The following GRIP1 variants were observed in gnomAD, a reference collection of about 807,000 sequenced individuals.
The protein encoded by GRIP1 is glutamate receptor interacting protein 1, also known as glutamate receptor-interacting protein 1.
GRIP1 carries 45 observed loss-of-function variants against 129.9 expected under a neutral mutation model. The ratio of observed to expected loss-of-function variants is 0.35; its 90% CI spans 0.27 to 0.44. GRIP1 has a LOEUF of 0.44. GRIP1 is among the 20% of genes least tolerant of loss of function. The pLI, the probability that GRIP1 is intolerant of heterozygous loss-of-function variation, is 1.00. For missense variants in GRIP1, 1,196 were observed against 1,396.8 expected, an observed-to-expected ratio of 0.86 and a Z score of 2.29; for synonymous variants, 530 against 520.8, an observed-to-expected ratio of 1.02 and a Z score of -0.24.
chr12:67,051,942 C>T (rs1372553518), intron 1 of GRIP1, among the ~76,000 whole-genome samples: 1 of 152,174 alleles, frequency 6.6e-6, no homozygotes, highest in Admixed American at 6.5e-5. Context: ...TTGCACAAAG[C>T]TATTCATCAA....
intron 19 of GRIP1, among the ~76,000 whole-genome samples, chr12:66,386,098 T>C (rs2056346070): frequency 1.3e-5 from 2 of 152,224 alleles, no homozygotes; most frequent in Admixed American, 1.3e-4. Flanking sequence ...AAAATAGGTC[T>C]TTATTTGCAC....
chr12:66,521,404 G>A (rs1359681735), intron 5 of GRIP1, among the ~76,000 whole-genome samples: 2 of 152,180 alleles, frequency 1.3e-5, no homozygotes, highest in Non-Finnish European at 2.9e-5. Context: ...TTATTAAGAT[G>A]TTTAATTTTA....
chr12:66,458,872 T>C (rs1014436717), intron 9 of GRIP1, among the ~76,000 whole-genome samples: 10 of 152,242 alleles, frequency 6.6e-5, no homozygotes, highest in Admixed American at 6.5e-4. Context: ...GTTGTTTGTA[T>C]GACTGCCTCC....
intron 14 of GRIP1, among the ~76,000 whole-genome samples, chr12:66,424,285 A>G (rs2057909537): frequency 6.6e-6 from 1 of 152,196 alleles, no homozygotes; most frequent in Non-Finnish European, 1.5e-5. Context: ...CAAGGAAACA[A>G]CTTACTATAT....
At chr12:66,787,522 T>C (rs1227439522) in intron 1 of GRIP1, among the ~76,000 whole-genome samples, 2 of 152,054 alleles carry the variant, frequency 1.3e-5, no homozygotes, top group African/African-American at 2.4e-5. Context: ...AAGGTGATGA[T>C]GGTATTAAGA....
At chr12:66,754,448 C>G (rs1429098614) in intron 1 of GRIP1, among the ~76,000 whole-genome samples, 2 of 152,146 alleles carry the variant, frequency 1.3e-5, no homozygotes, top group Non-Finnish European at 2.9e-5. Flanking sequence ...ACGTGTACAT[C>G]CACACACATG....
At position 66,723,244 on chromosome 12, in the gene GRIP1, C is replaced by T. The variant is rs138809355; in HGVS notation, c.-420+80809G>A. On this transcript the variant is annotated intron_variant, in intron 1 of 4. Transcript: ENST00000538373. ...TTTCTTTCTCTCTCTCTCTCTCTTC[C>T]TTCCTTCCTTCCTTCCTTCCTTCCT... is the stretch of plus-strand genomic sequence containing the variant. 2.9e-3 allele frequency among the ~76,000 whole-genome samples: 18 copies of T among 6,308 alleles called. 1 individual carries two copies. Among genetic ancestry groups the T allele is most frequent in the East Asian group, 5.1e-3 (1 of 196 alleles). The allele number at this position is 6,308 out of a possible 152,430, so 4.1% of individuals were successfully genotyped here.
At chr12:66,587,549 T>G (rs1446488445) in intron 2 of GRIP1, among the ~76,000 whole-genome samples, 1 of 152,240 alleles carries the variant, frequency 6.6e-6, no homozygotes, top group Non-Finnish European at 1.5e-5. Flanking sequence ...TGGATTCACA[T>G]CTATATTCCT....
intron 1 of GRIP1, among the ~76,000 whole-genome samples, chr12:66,855,392 C>T (rs1592905268): frequency 6.6e-6 from 1 of 151,898 alleles, no homozygotes; most frequent in Non-Finnish European, 1.5e-5. Flanking sequence ...ATTCAATATT[C>T]CCACTTTATA....
intron 1 of GRIP1, among the ~76,000 whole-genome samples, chr12:67,040,565 G>T (rs901765477): frequency 6.6e-6 from 1 of 152,094 alleles, no homozygotes; most frequent in Admixed American, 6.6e-5. Context: ...TGTCGTTTAC[G>T]TGTTTAGACA....
chr12:66,993,469 A>G (rs907605466), intron 1 of GRIP1, among the ~76,000 whole-genome samples: 1 of 149,186 alleles, frequency 6.7e-6, no homozygotes, highest in Admixed American at 6.7e-5. Context: ...ATTGACCAAG[A>G]AAAAAAAAAG....
At chr12:67,015,392 G>A (rs772341165) in intron 1 of GRIP1, among the ~76,000 whole-genome samples, 6 of 152,090 alleles carry the variant, frequency 3.9e-5, no homozygotes, top group Non-Finnish European at 8.8e-5. Flanking sequence ...TCCCCAAGAG[G>A]GGTTCTCTTG....
chr12:66,913,922 G>T (rs2041075056), intron 1 of GRIP1, among the ~76,000 whole-genome samples: 1 of 152,044 alleles, frequency 6.6e-6, no homozygotes, highest in South Asian at 2.1e-4. Context: ...TACTGATTTT[G>T]AAGTATCATC....
At chr12:66,896,789 C>T (rs1300119491) in intron 1 of GRIP1, among the ~76,000 whole-genome samples, 1 of 152,182 alleles carries the variant, frequency 6.6e-6, no homozygotes, top group African/African-American at 2.4e-5. Context: ...ATAATAAATT[C>T]TGTATTCGAA....
chr12:66,895,430 T>A (rs1461456293), intron 1 of GRIP1, among the ~76,000 whole-genome samples: 1 of 152,190 alleles, frequency 6.6e-6, no homozygotes, highest in African/African-American at 2.4e-5. Flanking sequence ...CACGTGAAAC[T>A]GTCAGTCCAC....
chr12:66,593,835 G>A (rs1001922286), intron 2 of GRIP1, among the ~76,000 whole-genome samples: 1 of 152,100 alleles, frequency 6.6e-6, no homozygotes, highest in Non-Finnish European at 1.5e-5. Flanking sequence ...TTGGGAGGCT[G>A]AGGTGGGCGG....
intron 1 of GRIP1, among the ~76,000 whole-genome samples, chr12:67,064,232 C>A (rs1013089144): frequency 1.3e-5 from 2 of 152,170 alleles, no homozygotes; most frequent in Non-Finnish European, 1.5e-5. Flanking sequence ...CATAACTAAG[C>A]AAACTCTCTA....
intron 1 of GRIP1, among the ~76,000 whole-genome samples, chr12:66,960,826 A>G (rs1186211237): frequency 6.6e-6 from 1 of 152,160 alleles, no homozygotes; most frequent in African/African-American, 2.4e-5. Flanking sequence ...GCCAAGGCTG[A>G]GAAGCCCTAG....
At chr12:66,639,371 G>A (rs2031716341) in intron 1 of GRIP1, among the ~76,000 whole-genome samples, 1 of 152,134 alleles carries the variant, frequency 6.6e-6, no homozygotes, top group Non-Finnish European at 1.5e-5. Context: ...GAAGATGTGT[G>A]CATTGGGGGA....
Sources: allele counts gnomAD v4.1 joint callset (sites outside exome capture counted in the v4.1 genomes callset), GRCh38; gene constraint gnomAD v4.1.1; transcripts MANE v1.5; gene names NCBI Gene and HGNC (gene_info 2026-07-23, HGNC 2026-07-21).